HRH4: variants seen among roughly 807,000 people sequenced by gnomAD.
HRH4 encodes histamine receptor H4.
Under a neutral mutation model 10.4 loss-of-function variants are expected in HRH4, and 12 were observed. The ratio of observed to expected loss-of-function variants is 1.15; its 90% CI spans 0.74 to 1.87. The LOEUF (loss-of-function observed/expected upper bound fraction) is 1.87, where lower values mean the gene tolerates loss of function less well. HRH4 is among the 40% of genes most tolerant of loss of function. The pLI is 0.00. For missense variants in HRH4, 415 were observed against 453.3 expected, an observed-to-expected ratio of 0.92 and a Z score of 0.77; for synonymous variants, 154 against 166.6, an observed-to-expected ratio of 0.92 and a Z score of 0.58.
At chr18:24,475,023 T>C (rs1351041649) in intron 2 of HRH4, among the ~76,000 whole-genome samples, 1 of 152,192 alleles carries the variant, frequency 6.6e-6, no homozygotes, top group African/African-American at 2.4e-5. Context: ...AGAGTTTGTC[T>C]GTTTCAGGTC....
chr18:24,469,671 C>CA (rs1178606613), intron 2 of HRH4, among the ~76,000 whole-genome samples: 4 of 152,238 alleles, frequency 2.6e-5, no homozygotes, highest in South Asian at 2.1e-4. Flanking sequence ...CTCAGGGACC[C>CA]AACTCTTTGG....
intron 1 of HRH4, among the ~76,000 whole-genome samples, chr18:24,461,172 C>T (rs1433316409): frequency 1.3e-5 from 2 of 152,018 alleles, no homozygotes; most frequent in African/African-American, 2.4e-5. Context: ...AAAGATAAGT[C>T]CAGTATAGCT....
intron 1 of HRH4, 29 bp from the exon 2 acceptor site, chr18:24,468,759 G>GT (rs1289245447): frequency 6.3e-7 from 1 of 1,597,338 alleles, no homozygotes; most frequent in South Asian, 1.1e-5. Context: ...TGTGCGCTAT[G>GT]TTTTTACACT....
Position 24,478,033 on chromosome 18 carries a change from A to G in HRH4, c.*471A>G, listed in dbSNP as rs1568100382. On this transcript the variant is annotated 3_prime_UTR_variant, in exon 3 of 3. Coordinates refer to ENST00000256906, the MANE Select transcript of HRH4 (RefSeq NM_021624.4). ...GAGTTGGCAAGAGCAGGGAACGGGC[A>G]TGTGCCCAGGTGAGCTCCTGTGTGT... The G allele has an allele frequency of 6.5e-6, 1 of 153,992 alleles. No individual in the cohort carries two copies. Among genetic ancestry groups the G allele is most frequent in the Non-Finnish European group, 1.4e-5 (1 of 69,372 alleles). 9.5% of individuals were successfully genotyped at this position (153,992 alleles called of 1,614,324 possible).
chr18:24,474,090 A>G (rs753194592), intron 2 of HRH4, among the ~76,000 whole-genome samples: 3 of 152,222 alleles, frequency 2.0e-5, no homozygotes, highest in African/African-American at 4.8e-5. Flanking sequence ...GACCTTATGC[A>G]TAACGGAAGA....
chr18:24,471,556 G>A (rs976862854), intron 2 of HRH4, among the ~76,000 whole-genome samples: 1 of 123,788 alleles, frequency 8.1e-6, no homozygotes, highest in Admixed American at 1.0e-4. Context: ...GCAGTGAGCT[G>A]AGATTGCACC....
chr18:24,473,087 G>A (rs556159840), intron 2 of HRH4, among the ~76,000 whole-genome samples: 19 of 152,110 alleles, frequency 1.2e-4, no homozygotes, highest in Admixed American at 5.2e-4. Context: ...CCCAGGAGGC[G>A]GAGGCTGCAG....
chr18:24,473,863 G>T (rs1261149855), intron 2 of HRH4, among the ~76,000 whole-genome samples: 1 of 152,128 alleles, frequency 6.6e-6, no homozygotes, highest in Non-Finnish European at 1.5e-5. Flanking sequence ...ATTTTATTGG[G>T]GCGGGAAAAA....
intron 1 of HRH4, among the ~76,000 whole-genome samples, chr18:24,464,691 C>T (rs971730274): frequency 7.2e-5 from 11 of 152,200 alleles, no homozygotes; most frequent in South Asian, 4.1e-4. Flanking sequence ...GCAAACTGGG[C>T]TTCTCCATCC....
intron 1 of HRH4, among the ~76,000 whole-genome samples, chr18:24,463,520 C>T (rs1032553030): frequency 5.3e-5 from 8 of 152,158 alleles, no homozygotes; most frequent in African/African-American, 1.4e-4. Flanking sequence ...AAGGCGTGGA[C>T]GTGGTGAGCA....
chr18:24,473,928 G>C (rs1910055591), intron 2 of HRH4, among the ~76,000 whole-genome samples: 1 of 151,806 alleles, frequency 6.6e-6, no homozygotes, highest in South Asian at 2.1e-4. Context: ...GTGGGCAAGA[G>C]CTAGGCCGCT....
rs111315712 is a variant in HRH4 at position 24,468,337 on chromosome 18, C to T, written c.194-451C>T. 2.4e-3 allele frequency among the ~76,000 whole-genome samples: 363 copies of T among 152,276 alleles called. 2 individuals are homozygous for T. The highest frequency in any genetic ancestry group is 8.1e-3 in the African/African-American group (337 of 41,550). ...GATTACAGGCGTGAGTTACCACGCC[C>T]GGCCCCTCCCGTATACTTTAAATCA... On this transcript the variant is annotated intron_variant, in intron 1 of 2. Coordinates refer to ENST00000256906, the MANE Select transcript of HRH4 (RefSeq NM_021624.4).
chr18:24,469,689 C>T (rs565960520), intron 2 of HRH4, among the ~76,000 whole-genome samples: 1 of 152,320 alleles, frequency 6.6e-6, no homozygotes, highest in East Asian at 1.9e-4. Context: ...TGGGGGACTA[C>T]TGTGTGACAG....
In HRH4 at chr18:24,477,269, G is replaced by A; in HGVS notation, c.880G>A (p.Glu294Lys). Residue 294 changes from glutamate to lysine, a missense_variant, in exon 3 of 3, where the codon GAA becomes AAA. Coordinates refer to ENST00000256906, the MANE Select transcript of HRH4 (RefSeq NM_021624.4). ...AGCTCTTCACCAAAGGGAACATGTT[G>A]AACTGCTTAGAGCCAGGAGATTAGC... ...SVALHQREHV[E>K]LLRARRLAKS... 1.9e-6 allele frequency: 3 copies of A among 1,614,200 alleles called. No individual in the cohort carries two copies. Among genetic ancestry groups the A allele is most frequent in the Non-Finnish European group, 2.5e-6 (3 of 1,180,036 alleles).
Position 24,477,215 on chromosome 18 carries a change from A to G in HRH4, c.826A>G (p.Met276Val). The G allele has an allele frequency of 1.2e-6, 2 of 1,614,182 alleles. No homozygotes were observed. Among genetic ancestry groups the G allele is most frequent in the Non-Finnish European group, 1.7e-6 (2 of 1,180,012 alleles). ...GAATAGCAATACAATTGCTTCCAAA[A>G]TGGGTTCCTTCTCCCAATCAGATTC... is the stretch of plus-strand genomic sequence containing the variant. ...KMNSNTIASK[M>V]GSFSQSDSVA... Residue 276 changes from methionine (M) to valine (V), a missense_variant, in exon 3 of 3, where the codon ATG (methionine) becomes GTG (valine). Met to Val is a conservative substitution (Grantham distance 21). Transcript: ENST00000256906.
intron 1 of HRH4, among the ~76,000 whole-genome samples, chr18:24,461,468 A>G (rs1461035897): frequency 6.6e-6 from 1 of 152,184 alleles, no homozygotes; most frequent in Non-Finnish European, 1.5e-5. Flanking sequence ...GCATTATATC[A>G]TCGTTAAGAG....
At chr18:24,471,613 A>G (rs1372146067) in intron 2 of HRH4, among the ~76,000 whole-genome samples, 1 of 149,298 alleles carries the variant, frequency 6.7e-6, no homozygotes, top group Non-Finnish European at 1.5e-5. Flanking sequence ...TCTCAAAAAA[A>G]AAAAAAAAAA....
In HRH4 at chr18:24,460,667, A is replaced by G; in HGVS notation, c.-62A>G. ...TTTTAGGTATGTGATTAGAAAACAT[A>G]CTTGTCAGAATTGTCTGGCTGGATT... is the stretch of plus-strand genomic sequence containing the variant. On this transcript the variant is annotated 5_prime_UTR_variant, in exon 1 of 3. The change creates a new upstream start codon in the 5' untranslated region. Coordinates refer to ENST00000256906, the MANE Select transcript of HRH4 (RefSeq NM_021624.4). 4 of 1,112,080 alleles carry G rather than the reference A, an allele frequency of 3.6e-6. No individual in the cohort carries two copies. Among genetic ancestry groups the G allele is most frequent in the Non-Finnish European group, 3.8e-6 (3 of 794,060 alleles). 68.9% of individuals were successfully genotyped at this position (1,112,080 alleles called of 1,614,324 possible). A position where few individuals can be genotyped will look rare whatever the true frequency, so the allele number is the denominator to read the frequency against.
At chr18:24,464,735 T>G (rs192877829) in intron 1 of HRH4, among the ~76,000 whole-genome samples, 4 of 152,262 alleles carry the variant, frequency 2.6e-5, no homozygotes, top group Admixed American at 1.3e-4. Context: ...TTATTTCTTT[T>G]GAAGGAGGCA....
Sources: allele counts gnomAD v4.1 joint callset (sites outside exome capture counted in the v4.1 genomes callset), GRCh38; gene constraint gnomAD v4.1.1; transcripts MANE v1.5; gene names NCBI Gene and HGNC (gene_info 2026-07-23, HGNC 2026-07-21).